Variants in KANSL1L observed in about 807,000 individuals in gnomAD.
KANSL1L encodes KAT8 regulatory NSL complex subunit 1 like, also known as KAT8 regulatory NSL complex subunit 1-like protein.
Under a neutral mutation model 108.6 loss-of-function variants are expected in KANSL1L, and 25 were observed. That is an observed-to-expected ratio of 0.23 (90% CI 0.17 to 0.32). The LOEUF is 0.32. Among genes scored for constraint, KANSL1L ranks in the 10% least tolerant of loss-of-function variants. The pLI, the probability that KANSL1L is intolerant of heterozygous loss-of-function variation, is 1.00. For missense variants in KANSL1L, 1,137 were observed against 1,125.7 expected (o/e 1.01, Z -0.14); for synonymous variants, 405 against 395.1 (o/e 1.03, Z -0.30).
intron 5 of KANSL1L, among the ~76,000 whole-genome samples, chr2:210,092,496 C>G (rs1325027628): frequency 1.3e-5 from 2 of 152,176 alleles, no homozygotes; most frequent in African/African-American, 4.8e-5. Flanking sequence ...TCTTATTTAG[C>G]CTTTTTCCAA....
In KANSL1L at chr2:210,043,930, G is replaced by A; in HGVS notation, c.1921+9C>T. ...ATCGTTACTTAGAAATTGTTACAAG[G>A]AGGCTTACCTGATGGCAATGATAGA... is the stretch of plus-strand genomic sequence containing the variant. On this transcript the variant is annotated intron_variant, in intron 7 of 14. Transcript: ENST00000281772. 1.3e-6 allele frequency: 2 copies of A among 1,549,964 alleles called. No homozygotes were observed. The highest frequency in any genetic ancestry group is 8.7e-7 in the Non-Finnish European group (1 of 1,144,086).
At chr2:210,124,668 G>A (rs1396376438) in intron 3 of KANSL1L, among the ~76,000 whole-genome samples, 8 of 151,844 alleles carry the variant, frequency 5.3e-5, no homozygotes, top group Admixed American at 2.6e-4. Context: ...GAGCTAAAAC[G>A]AATATGAGGA....
intron 8 of KANSL1L, among the ~76,000 whole-genome samples, chr2:210,033,865 T>C (rs761694892): frequency 2.0e-5 from 3 of 152,182 alleles, no homozygotes; most frequent in Non-Finnish European, 4.4e-5. Flanking sequence ...TTAAATTTTA[T>C]TCAAATGTTT....
chr2:210,081,014 T>C (rs2094585334), intron 5 of KANSL1L, among the ~76,000 whole-genome samples: 1 of 151,682 alleles, frequency 6.6e-6, no homozygotes, highest in Non-Finnish European at 1.5e-5. Context: ...GCCTGAGGCA[T>C]GAGAATCGCG....
At chr2:210,171,645 A>G (rs1575663456), upstream of KANSL1L, 1 of 151,534 alleles carries the variant, frequency 6.6e-6, no homozygotes, top group Non-Finnish European at 1.5e-5. Context: ...TCCCAGTGCC[A>G]TCCCTGGCGA....
At chr2:210,082,623 A>G (rs993591062) in intron 5 of KANSL1L, among the ~76,000 whole-genome samples, 5 of 152,220 alleles carry the variant, frequency 3.3e-5, no homozygotes, top group African/African-American at 4.8e-5. Flanking sequence ...TTCATGGTGC[A>G]TATGTCCTGC....
At chr2:210,155,894 T>A (rs759844310) in intron 1 of KANSL1L, among the ~76,000 whole-genome samples, 2 of 152,206 alleles carry the variant, frequency 1.3e-5, no homozygotes, top group Non-Finnish European at 2.9e-5. Context: ...TAGTTATAAC[T>A]CTACTTCCTT....
intron 6 of KANSL1L, among the ~76,000 whole-genome samples, chr2:210,070,354 C>T (rs1215929494): frequency 2.0e-5 from 3 of 151,042 alleles, no homozygotes; most frequent in East Asian, 2.0e-4. Context: ...CCTCAGCCCC[C>T]GAGTAGCTGG....
At chr2:210,034,554 TG>T (rs2094073790) in intron 8 of KANSL1L, among the ~76,000 whole-genome samples, 2 of 151,980 alleles carry the variant, frequency 1.3e-5, no homozygotes, top group African/African-American at 2.4e-5. Context: ...AGGGATGGGG[TG>T]GGGAGCAGGT....
intron 3 of KANSL1L, among the ~76,000 whole-genome samples, chr2:210,107,135 G>A (rs1311722079): frequency 6.6e-6 from 1 of 152,106 alleles, no homozygotes; most frequent in Non-Finnish European, 1.5e-5. Context: ...TCCTGACAAT[G>A]CAGGGTCTTC....
chr2:210,064,731 C>G (rs1005063544), intron 6 of KANSL1L, among the ~76,000 whole-genome samples: 8 of 150,636 alleles, frequency 5.3e-5, no homozygotes, highest in African/African-American at 1.7e-4. Flanking sequence ...ACTGCTTGAG[C>G]CTGGGAGGTC....
intron 2 of KANSL1L, 128 bp downstream of exon 2, chr2:210,153,367 A>G: frequency 5.4e-6 from 1 of 184,776 alleles, no homozygotes; most frequent in Non-Finnish European, 1.0e-5. Flanking sequence ...AATAAAAATT[A>G]AAAAAAAAAA....
intron 3 of KANSL1L, among the ~76,000 whole-genome samples, chr2:210,124,848 G>T (rs545990578): frequency 4.6e-5 from 7 of 152,182 alleles, no homozygotes; most frequent in African/African-American, 1.7e-4. Flanking sequence ...AAATAAAACA[G>T]ATGACAAGAG....
intron 3 of KANSL1L, among the ~76,000 whole-genome samples, chr2:210,124,740 G>A (rs1026806612): frequency 5.3e-5 from 8 of 151,760 alleles, no homozygotes; most frequent in Admixed American, 6.6e-5. Context: ...CAACAAAATC[G>A]ACAAACCTTT....
At chr2:210,166,203 A>G (rs116008967) in intron 1 of KANSL1L, among the ~76,000 whole-genome samples, 153 of 152,238 alleles carry the variant, frequency 1.0e-3, no homozygotes, top group African/African-American at 3.5e-3. Flanking sequence ...TAAACCATAC[A>G]TATTTATGAA....
chr2:210,156,906 A>G (rs2095336643), intron 1 of KANSL1L, among the ~76,000 whole-genome samples: 1 of 151,850 alleles, frequency 6.6e-6, no homozygotes, highest in Non-Finnish European at 1.5e-5. Context: ...TTTCTATATG[A>G]GTTTCTGTAT....
At chr2:210,039,236 A>G (rs1368586212) in intron 8 of KANSL1L, among the ~76,000 whole-genome samples, 1 of 151,950 alleles carries the variant, frequency 6.6e-6, no homozygotes, top group Non-Finnish European at 1.5e-5. Flanking sequence ...ATTTGGGGAA[A>G]ATTGACAACT....
intron 1 of KANSL1L, among the ~76,000 whole-genome samples, chr2:210,162,100 C>CAT (rs1237317430): frequency 1.4e-5 from 2 of 147,788 alleles, no homozygotes; most frequent in Admixed American, 6.8e-5. Flanking sequence ...CACACACACA[C>CAT]ATATATTTTT....
At chr2:210,080,389 A>T (rs1409915214) in intron 5 of KANSL1L, 1 of 152,094 alleles carries the variant, frequency 6.6e-6, no homozygotes, top group Non-Finnish European at 1.5e-5. Context: ...GTCCCTTTAA[A>T]TTACCAGGCC....
Sources: gnomAD v4.1 joint callset for allele counts (sites outside exome capture counted in the v4.1 genomes callset) on GRCh38, gnomAD v4.1.1 for gene constraint, MANE v1.5 for transcripts, NCBI Gene and HGNC (gene_info 2026-07-23, HGNC 2026-07-21) for gene names.